The following AGBL1 variants were observed in gnomAD, a reference collection of about 807,000 sequenced individuals.
AGBL1 encodes the protein AGBL carboxypeptidase 1.
AGBL1 carries 130 observed loss-of-function variants against 118.9 expected under a neutral mutation model. The ratio of observed to expected loss-of-function variants is 1.09; its 90% CI spans 0.95 to 1.26. AGBL1 has a LOEUF of 1.26. AGBL1 is among the 50% of genes most tolerant of loss of function. The pLI, the probability that AGBL1 is intolerant of heterozygous loss-of-function variation, is 0.00. For synonymous variants in AGBL1, 555 were observed against 478.9 expected, an observed-to-expected ratio of 1.16 and a Z score of -2.08; for missense variants, 1,584 against 1,298.1, an observed-to-expected ratio of 1.22 and a Z score of -3.38.
intron 23 of AGBL1, among the ~76,000 whole-genome samples, chr15:86,977,740 A>T (rs1233305248): frequency 6.6e-6 from 1 of 152,054 alleles, no homozygotes; most frequent in Non-Finnish European, 1.5e-5. Flanking sequence ...GCAAATGATT[A>T]TGAATTTGCA....
intron 1 of AGBL1, among the ~76,000 whole-genome samples, chr15:86,128,490 G>T (rs1456731598): frequency 6.6e-6 from 1 of 152,180 alleles, no homozygotes; most frequent in African/African-American, 2.4e-5. Context: ...CAAAGTTTAT[G>T]TCTTGGTTCT....
intron 6 of AGBL1, among the ~76,000 whole-genome samples, chr15:86,243,884 G>A (rs1019858320): frequency 6.6e-6 from 1 of 151,960 alleles, no homozygotes; most frequent in Non-Finnish European, 1.5e-5. Context: ...GCCGGGTGTA[G>A]TGGCGTGCAC....
intron 1 of AGBL1, among the ~76,000 whole-genome samples, chr15:86,099,011 T>C (rs1204324442): frequency 7.2e-5 from 11 of 152,160 alleles, no homozygotes; most frequent in Non-Finnish European, 1.3e-4. Flanking sequence ...TAGTTTTCCC[T>C]GTAGAGATGC....
At chr15:86,718,380 G>A (rs1175861767) in intron 22 of AGBL1, among the ~76,000 whole-genome samples, 1 of 152,164 alleles carries the variant, frequency 6.6e-6, no homozygotes, top group Admixed American at 6.5e-5. Flanking sequence ...ACACACTGGG[G>A]CCTCGTGGGG....
At chr15:86,248,093 G>T (rs2078751174) in intron 7 of AGBL1, among the ~76,000 whole-genome samples, 1 of 152,184 alleles carries the variant, frequency 6.6e-6, no homozygotes, top group South Asian at 2.1e-4. Context: ...CGAGGCAGGT[G>T]ATCACCTGAA....
rs930872845 is a variant in AGBL1, at chr15:86,565,245, T to C, written c.2994+10708T>C. The stretch of plus-strand genomic sequence containing the variant: ...TTTTCAGCTTTCCTGCTCTGTTTTT[T>C]CCCCATCTTTGTGGTTTTAACTACC... On this transcript the variant is annotated intron_variant, in intron 21 of 22. Transcript: ENST00000614907. Among the ~76,000 whole-genome samples, 7 of 152,338 alleles carry C rather than the reference T, an allele frequency of 4.6e-5. No homozygotes were observed. The South Asian group carries it at 1.0e-3, about 23-fold the overall frequency.
At chr15:86,260,506 C>G (rs566066130) in intron 9 of AGBL1, among the ~76,000 whole-genome samples, 25 of 152,284 alleles carry the variant, frequency 1.6e-4, no homozygotes, top group African/African-American at 6.0e-4. Flanking sequence ...AGAGTGAATT[C>G]AAGCTCTCCC....
At chr15:86,330,109 G>T (rs1392103107) in intron 17 of AGBL1, among the ~76,000 whole-genome samples, 2 of 152,186 alleles carry the variant, frequency 1.3e-5, no homozygotes, top group African/African-American at 4.8e-5. Flanking sequence ...GCTCAGCCTG[G>T]CCCTGCCCAC....
At chr15:86,678,717 C>G (rs2085893902) in intron 22 of AGBL1, among the ~76,000 whole-genome samples, 1 of 152,066 alleles carries the variant, frequency 6.6e-6, no homozygotes, top group East Asian at 1.9e-4. Context: ...GGTTTAATAA[C>G]AGATAAATTC....
At chr15:86,756,807 GGTAAGTAGCTTAGAGTTT>G (rs1384042601) in intron 22 of AGBL1, among the ~76,000 whole-genome samples, 6 of 152,002 alleles carry the variant, frequency 3.9e-5, no homozygotes, top group African/African-American at 1.4e-4. Context: ...TATAAATAAT[GGTAAGTAGCTTAGAGTTT>G]GTCAATAGGA....
At chr15:86,535,344 C>T (rs537721704) in intron 19 of AGBL1, among the ~76,000 whole-genome samples, 32 of 152,306 alleles carry the variant, frequency 2.1e-4, no homozygotes, top group African/African-American at 7.2e-4. Context: ...GCCAAGGAGG[C>T]AGATGAGGAC....
chr15:86,124,361 CA>C (rs1364044122), intron 1 of AGBL1, among the ~76,000 whole-genome samples: 2 of 150,516 alleles, frequency 1.3e-5, no homozygotes, highest in Non-Finnish European at 3.0e-5. Context: ...AGAAAACCCC[CA>C]AAAATCCCAA....
At chr15:86,247,119 T>A (rs2078733458) in intron 6 of AGBL1, among the ~76,000 whole-genome samples, 1 of 152,252 alleles carries the variant, frequency 6.6e-6, no homozygotes, top group African/African-American at 2.4e-5. Flanking sequence ...GATACAAAAC[T>A]GTTAGTATAA....
Position 86,514,201 on chromosome 15 carries a change from C to T in AGBL1, c.2556-8609C>T, listed in dbSNP as rs548171403. ...CTTTATCTATCTGTAAATTTAAAAT[C>T]ATGAGTTTATGCTGATACCTCTGAT... On this transcript the variant is annotated intron_variant, in intron 18 of 22. Coordinates refer to ENST00000614907, the MANE Select transcript of AGBL1 (RefSeq NM_001386094.1). Among the ~76,000 whole-genome samples the T allele has an allele frequency of 6.6e-5, 10 of 151,852 alleles. No homozygotes were observed. In the South Asian group the frequency reaches 2.1e-3, roughly 32 times the overall value.
At position 86,416,423 on chromosome 15, in the gene AGBL1, G is replaced by T. The variant is rs1596087002; in HGVS notation, c.2555+18877G>T. 3.9e-5 allele frequency among the ~76,000 whole-genome samples: 6 copies of T among 152,256 alleles called. 1 individual carries two copies. The South Asian group carries it at 1.2e-3, about 32-fold the overall frequency. On this transcript the variant is annotated intron_variant, in intron 18 of 22. Coordinates refer to ENST00000614907, the MANE Select transcript of AGBL1 (RefSeq NM_001386094.1). ...TTGAGTGTTTATGAGTCCTGATCAGGCTGGGCTTCTCTCTAGAAGGGGAGA... is the reference window on the plus strand; with the variant it reads ...TTGAGTGTTTATGAGTCCTGATCAGTCTGGGCTTCTCTCTAGAAGGGGAGA...
At chr15:86,527,666 TGAAGCACTGG>T (rs1051181626) in intron 19 of AGBL1, among the ~76,000 whole-genome samples, 6 of 152,190 alleles carry the variant, frequency 3.9e-5, no homozygotes, top group Admixed American at 3.9e-4. Context: ...AAATGTTTTC[TGAAGCACTGG>T]GAAGCCACTT....
chr15:86,294,462 T>G (rs1389680150), intron 16 of AGBL1, among the ~76,000 whole-genome samples: 1 of 150,648 alleles, frequency 6.6e-6, no homozygotes, highest in African/African-American at 2.4e-5. Flanking sequence ...TCAATGGCTA[T>G]TTCATTTTTT....
At chr15:87,029,373 A>G (rs2081764744), downstream of AGBL1, among the ~76,000 whole-genome samples, 1 of 151,920 alleles carries the variant, frequency 6.6e-6, no homozygotes, top group Admixed American at 6.6e-5. Context: ...GTCATCAAGA[A>G]GAAAGTGAAT....
chr15:86,670,940 G>A (rs186259491), intron 21 of AGBL1, among the ~76,000 whole-genome samples: 112 of 152,062 alleles, frequency 7.4e-4, no homozygotes, highest in Non-Finnish European at 7.6e-4. Flanking sequence ...GTACTGGTTA[G>A]CTTTGCTTAC....
Sources: allele counts gnomAD v4.1 joint callset (sites outside exome capture counted in the v4.1 genomes callset), GRCh38; gene constraint gnomAD v4.1.1; transcripts MANE v1.5; gene names NCBI Gene and HGNC (gene_info 2026-07-23, HGNC 2026-07-21).